The following PEPD variants were observed in gnomAD, a reference collection of about 807,000 sequenced individuals.
The protein encoded by PEPD is peptidase D, also known as xaa-Pro dipeptidase.
A neutral mutation model predicts 60.7 loss-of-function variants in PEPD; 53 were observed. The observed-to-expected ratio is 0.87, with a 90% CI of 0.70 to 1.10. PEPD has a LOEUF of 1.10. Among genes scored for constraint, PEPD ranks in the 50% least tolerant of loss-of-function variants. The pLI, the probability that PEPD is intolerant of heterozygous loss-of-function variation, is 0.00. For synonymous variants in PEPD, 267 were observed against 284.1 expected (o/e 0.94, Z 0.60); for missense variants, 711 against 711.9 (o/e 1.00, Z 0.01).
intron 11 of PEPD, among the ~76,000 whole-genome samples, chr19:33,409,014 C>T (rs1382659419): frequency 6.6e-6 from 1 of 152,252 alleles, no homozygotes; most frequent in Non-Finnish European, 1.5e-5. Flanking sequence ...AATCAAATCA[C>T]CAATTTGGAC....
chr19:33,403,848 C>T (rs569524701), intron 11 of PEPD, among the ~76,000 whole-genome samples: 112 of 152,336 alleles, frequency 7.4e-4, no homozygotes, highest in Non-Finnish European at 1.2e-3. Flanking sequence ...GGGGGAGGAG[C>T]CCCGCCTGCA....
chr19:33,447,844 C>CA (rs1453503944), intron 9 of PEPD, among the ~76,000 whole-genome samples: 2 of 152,222 alleles, frequency 1.3e-5, no homozygotes, highest in Non-Finnish European at 2.9e-5. Flanking sequence ...ATGCCACAGA[C>CA]AGAGTCCAAA....
At position 33,433,986 on chromosome 19, in the gene PEPD, C is replaced by T. The variant is rs117960343; in HGVS notation, c.672-20343G>A. 2.7e-3 allele frequency among the ~76,000 whole-genome samples: 41 copies of T among 15,458 alleles called. No individual in the cohort carries two copies. In the East Asian group the frequency reaches 0.066, roughly 25 times the overall value. 10.1% of individuals were successfully genotyped at this position (15,458 alleles called of 152,430 possible). A position where few individuals can be genotyped will look rare whatever the true frequency, so the allele number is the denominator to read the frequency against. On this transcript the variant is annotated intron_variant, in intron 9 of 14. Coordinates refer to ENST00000244137, the MANE Select transcript of PEPD (RefSeq NM_000285.4). Reference sequence around the variant, plus strand: ...TTGATGACATCTCACAAACGTGCCCCGTGGGTGAAGACCCCAGGACATTTC... The same window carrying T: ...TTGATGACATCTCACAAACGTGCCCTGTGGGTGAAGACCCCAGGACATTTC...
At chr19:33,468,811 C>T (rs1029302166) in intron 7 of PEPD, among the ~76,000 whole-genome samples, 1 of 152,150 alleles carries the variant, frequency 6.6e-6, no homozygotes, top group Non-Finnish European at 1.5e-5. Context: ...CGGAGGCAGC[C>T]CTAAAGCCTG....
chr19:33,394,476 C>T (rs1032802412), intron 12 of PEPD, among the ~76,000 whole-genome samples: 35 of 152,342 alleles, frequency 2.3e-4, no homozygotes, highest in African/African-American at 7.9e-4. Context: ...CTCTCTTGGC[C>T]GGGAGCAGGG....
intron 6 of PEPD, chr19:33,486,828 C>G (rs2145311479): frequency 6.6e-6 from 1 of 152,530 alleles, no homozygotes; most frequent in Middle Eastern, 3.4e-3. Flanking sequence ...CTGTCTACCA[C>G]AAGCTCCTCT....
intron 6 of PEPD, among the ~76,000 whole-genome samples, chr19:33,488,986 T>C (rs998829922): frequency 6.6e-6 from 1 of 152,056 alleles, no homozygotes; most frequent in Admixed American, 6.5e-5. Flanking sequence ...TTGTCTGCTA[T>C]GGCATCAGCC....
At position 33,437,155 on chromosome 19, in the gene PEPD, C is replaced by T. The variant is rs749843548; in HGVS notation, c.672-23512G>A. On this transcript the variant is annotated intron_variant, in intron 9 of 14. Coordinates refer to ENST00000244137, the MANE Select transcript of PEPD (RefSeq NM_000285.4). Reference sequence around the variant, plus strand: ...GAAGAGACACACCACCCCCAACCACCGGGCTCCGGCCCTCGGAAAAGCTGT... The same window carrying T: ...GAAGAGACACACCACCCCCAACCACTGGGCTCCGGCCCTCGGAAAAGCTGT... Among the ~76,000 whole-genome samples the T allele has an allele frequency of 9.9e-5, 15 of 152,234 alleles. No individual in the cohort carries two copies. In the Middle Eastern group the frequency reaches 0.014, roughly 138 times the overall value.
rs61734506 is a variant in PEPD at position 33,489,999 on chromosome 19, C to T, written c.500G>A (p.Ser167Asn). ...VCREASFDGI[S>N]KFEVNNTILH... ...TCCCTGGGGGCCCAGGACTCACTTG[C>T]TGATGCCGTCAAAGGAGGCCTCCCT... Residue 167 changes from serine to asparagine, a missense_variant, in exon 6 of 15, where the codon AGC (serine) becomes AAC (asparagine). By Grantham distance (46) the Ser-to-Asn change is conservative. Transcript: ENST00000244137. 4 of 1,601,644 alleles carry T rather than the reference C, an allele frequency of 2.5e-6. No homozygotes were observed. The highest frequency in any genetic ancestry group is 2.2e-5 in the East Asian group (1 of 44,634).
chr19:33,450,140 G>A (rs375617784), intron 9 of PEPD, among the ~76,000 whole-genome samples: 2 of 152,358 alleles, frequency 1.3e-5, no homozygotes, highest in African/African-American at 2.4e-5. Flanking sequence ...GTCTAGGTCA[G>A]AACACACCCG....
At chr19:33,514,155 A>G (rs1334934408) in intron 1 of PEPD, among the ~76,000 whole-genome samples, 1 of 152,124 alleles carries the variant, frequency 6.6e-6, no homozygotes, top group African/African-American at 2.4e-5. Context: ...AGGAGGAGTA[A>G]GCAGGGGCAG....
chr19:33,453,476 C>A (rs533908673), intron 9 of PEPD, among the ~76,000 whole-genome samples: 126 of 152,320 alleles, frequency 8.3e-4, no homozygotes, highest in African/African-American at 3.0e-3. Context: ...GGCAACCCTG[C>A]GTTTAGCAAG....
At chr19:33,428,897 T>G (rs933346518) in intron 9 of PEPD, among the ~76,000 whole-genome samples, 2 of 152,200 alleles carry the variant, frequency 1.3e-5, no homozygotes, top group Admixed American at 1.3e-4. Flanking sequence ...CACACATACA[T>G]GCACATATGC....
chr19:33,493,690 C>G (rs10406288), intron 4 of PEPD, among the ~76,000 whole-genome samples: 15,787 of 152,072 alleles, frequency 0.1, 874 homozygotes, highest in East Asian at 0.14. Flanking sequence ...TGCTCAAAGA[C>G]CCGTCCCCCG....
chr19:33,393,084 A>C (rs1158696379), intron 12 of PEPD, among the ~76,000 whole-genome samples: 3 of 150,862 alleles, frequency 2.0e-5, no homozygotes, highest in African/African-American at 4.9e-5. Context: ...CCCACCCCCC[A>C]CACAGAGCAG....
intron 9 of PEPD, among the ~76,000 whole-genome samples, chr19:33,435,920 A>G (rs146111925): frequency 6.6e-6 from 1 of 152,290 alleles, no homozygotes; most frequent in Non-Finnish European, 1.5e-5. Context: ...AGGTGGGGGC[A>G]TGGGAGAGGC....
intron 9 of PEPD, among the ~76,000 whole-genome samples, chr19:33,449,855 C>T (rs752626676): frequency 1.3e-5 from 2 of 152,228 alleles, no homozygotes; most frequent in African/African-American, 2.4e-5. Context: ...GAAATCTGTC[C>T]GGGGTGACAT....
rs60635743 is a variant in PEPD, at chr19:33,480,840, G to GTATATA, written c.504-2751_504-2750insTATATA. Among the ~76,000 whole-genome samples, 233 of 150,970 alleles carry GTATATA rather than the reference G, an allele frequency of 1.5e-3. 1 individual carries two copies. Among genetic ancestry groups the GTATATA allele is most frequent in the South Asian group, 0.013 (63 of 4,754 alleles). ...TGTGTGTGTGTGTGTGTGTGTGTGT[G>GTATATA]TATATCAAAAACCTAACACGTAGCT... On this transcript the variant is annotated intron_variant, in intron 6 of 14. Transcript: ENST00000244137.
intron 9 of PEPD, among the ~76,000 whole-genome samples, chr19:33,417,115 T>C (rs1968906298): frequency 6.6e-6 from 1 of 152,156 alleles, no homozygotes; most frequent in Non-Finnish European, 1.5e-5. Flanking sequence ...CAGACAGCGG[T>C]AGAAGGGCTG....
Sources: gnomAD v4.1 joint callset for allele counts (sites outside exome capture counted in the v4.1 genomes callset) on GRCh38, gnomAD v4.1.1 for gene constraint, MANE v1.5 for transcripts, NCBI Gene and HGNC (gene_info 2026-07-23, HGNC 2026-07-21) for gene names.